The following GRM1 variants were observed in gnomAD, a reference collection of about 807,000 sequenced individuals.
GRM1 encodes metabotropic glutamate receptor 1.
Under a neutral mutation model 90.9 loss-of-function variants are expected in GRM1, and 33 were observed. The observed-to-expected ratio is 0.36, with a 90% CI of 0.28 to 0.49. GRM1 has a LOEUF of 0.49. Among genes scored for constraint, GRM1 ranks in the 20% least tolerant of loss-of-function variants. GRM1 has a pLI of 0.99. For missense variants in GRM1, 1,190 were observed against 1,534.3 expected (o/e 0.78, Z 3.75); for synonymous variants, 700 against 613.2 (o/e 1.14, Z -2.09).
Position 146,029,467 on chromosome 6 carries a change from G to A in GRM1, c.-51G>A. The A allele has an allele frequency of 7.0e-7, 1 of 1,435,002 alleles. No individual in the cohort carries two copies. Among genetic ancestry groups the A allele is most frequent in the Non-Finnish European group, 9.8e-7 (1 of 1,017,210 alleles). 88.9% of individuals were successfully genotyped at this position (1,435,002 alleles called of 1,614,324 possible). A position where few individuals can be genotyped will look rare whatever the true frequency, so the allele number is the denominator to read the frequency against. On this transcript the variant is annotated 5_prime_UTR_variant, in exon 1 of 8. Transcript: ENST00000282753. ...GGGTGCGCGCCGGGAGCCTGCAGCG[G>A]GACCAGCGTGGGAACGCGGCTGGCA...
chr6:146,200,352 A>G lies in GRM1; in HGVS notation c.950+40755A>G, dbSNP rs140964624. On this transcript the variant is annotated intron_variant, in intron 2 of 7. Transcript: ENST00000282753. ...CTCATTATCCTTCTGCAGGGCATCA[A>G]TCCAACTTAGCAATAACCAGACAAT... 2.8e-3 allele frequency among the ~76,000 whole-genome samples: 428 copies of G among 152,252 alleles called. 3 individuals carry two copies. The highest frequency in any genetic ancestry group is 9.5e-3 in the African/African-American group (395 of 41,532).
intron 1 of GRM1, among the ~76,000 whole-genome samples, chr6:146,140,090 A>AGTCTTTCTTTCT: frequency 1.7e-5 from 1 of 57,838 alleles, no homozygotes; most frequent in Non-Finnish European, 3.1e-5. Context: ...TTCTTTCTTT[A>AGTCTTTCTTTCT]TTCTTTCTTT....
At chr6:146,321,535 G>T (rs747063355) in intron 3 of GRM1, among the ~76,000 whole-genome samples, 5 of 152,068 alleles carry the variant, frequency 3.3e-5, no homozygotes, top group African/African-American at 4.8e-5. Context: ...TTAATTTTCT[G>T]TCTTGTTGAT....
chr6:146,121,765 G>C (rs1381812831), intron 1 of GRM1, among the ~76,000 whole-genome samples: 1 of 152,184 alleles, frequency 6.6e-6, no homozygotes, highest in East Asian at 1.9e-4. Context: ...TTAATCCTGA[G>C]TTCTAGTTTG....
chr6:146,206,340 T>C (rs1779492034), intron 2 of GRM1, among the ~76,000 whole-genome samples: 1 of 152,186 alleles, frequency 6.6e-6, no homozygotes, highest in Non-Finnish European at 1.5e-5. Context: ...TGTTGCTAGA[T>C]GCTCCCATGA....
intron 1 of GRM1, among the ~76,000 whole-genome samples, chr6:146,096,924 C>CT (rs981965279): frequency 6.6e-6 from 1 of 151,824 alleles, no homozygotes; most frequent in East Asian, 1.9e-4. Flanking sequence ...TGTGAATTTA[C>CT]TTTTTTTTCA....
intron 3 of GRM1, among the ~76,000 whole-genome samples, chr6:146,349,888 A>C (rs1055805752): frequency 1.1e-4 from 16 of 152,240 alleles, no homozygotes; most frequent in African/African-American, 3.9e-4. Context: ...CTATACATAC[A>C]TATTTTTATG....
intron 2 of GRM1, among the ~76,000 whole-genome samples, chr6:146,201,605 C>T (rs952512978): frequency 6.6e-6 from 1 of 152,200 alleles, no homozygotes; most frequent in Non-Finnish European, 1.5e-5. Flanking sequence ...GACCTAATTA[C>T]TTACCAAAGG....
chr6:146,390,362 T>G (rs997671747), intron 6 of GRM1, among the ~76,000 whole-genome samples: 6 of 151,998 alleles, frequency 3.9e-5, no homozygotes, highest in Non-Finnish European at 8.8e-5. Context: ...AAAAAGTTTC[T>G]CATATTTTCT....
intron 5 of GRM1, among the ~76,000 whole-genome samples, chr6:146,375,722 G>C (rs1447048197): frequency 2.0e-5 from 3 of 151,614 alleles, no homozygotes; most frequent in Admixed American, 1.3e-4. Context: ...CTCTTTTTTG[G>C]TCTCCATTAG....
At chr6:146,245,192 G>T (rs769087355) in intron 2 of GRM1, among the ~76,000 whole-genome samples, 4 of 152,096 alleles carry the variant, frequency 2.6e-5, no homozygotes, top group Admixed American at 6.6e-5. Flanking sequence ...ATAAAATAAA[G>T]ATAAAAAATT....
At chr6:146,270,752 C>A (rs1782085099) in intron 2 of GRM1, among the ~76,000 whole-genome samples, 1 of 152,132 alleles carries the variant, frequency 6.6e-6, no homozygotes, top group Non-Finnish European at 1.5e-5. Flanking sequence ...CAGGGAGGAA[C>A]ATACTTATGT....
chr6:146,119,090 T>C (rs1440466780), intron 1 of GRM1, among the ~76,000 whole-genome samples: 2 of 152,216 alleles, frequency 1.3e-5, no homozygotes, highest in Non-Finnish European at 2.9e-5. Context: ...CTCCACATCC[T>C]CTCCAGCACC....
intron 2 of GRM1, 93 bp downstream of exon 2, chr6:146,159,690 C>T: frequency 7.7e-7 from 1 of 1,292,200 alleles, no homozygotes; most frequent in Admixed American, 1.9e-5. Flanking sequence ...TGCTTGCTTT[C>T]ACAAAACTAG....
chr6:146,305,110 A>G (rs1562595566), intron 3 of GRM1, among the ~76,000 whole-genome samples: 2 of 151,406 alleles, frequency 1.3e-5, no homozygotes, highest in South Asian at 2.1e-4. Context: ...GGAGTCAGGT[A>G]TCTAGTATTT....
intron 2 of GRM1, among the ~76,000 whole-genome samples, chr6:146,252,408 C>A (rs540767386): frequency 1.3e-5 from 2 of 152,136 alleles, no homozygotes; most frequent in Middle Eastern, 3.4e-3. Flanking sequence ...GAGGTCAAGG[C>A]GGGTGGATCA....
chr6:146,307,322 C>T (rs1333405070), intron 3 of GRM1, among the ~76,000 whole-genome samples: 1 of 152,098 alleles, frequency 6.6e-6, no homozygotes, highest in African/African-American at 2.4e-5. Context: ...GCAAATATTT[C>T]TCTTTTTTAG....
intron 2 of GRM1, among the ~76,000 whole-genome samples, chr6:146,298,955 C>G (rs1250754009): frequency 6.6e-6 from 1 of 152,204 alleles, no homozygotes; most frequent in African/African-American, 2.4e-5. Flanking sequence ...ATCCTTTCTT[C>G]TGATTAACGT....
chr6:146,283,452 G>C (rs537121612), intron 2 of GRM1, among the ~76,000 whole-genome samples: 21 of 152,188 alleles, frequency 1.4e-4, no homozygotes, highest in African/African-American at 4.6e-4. Context: ...GGGTTTTATG[G>C]GCATACTTCT....
Sources: allele counts gnomAD v4.1 joint callset (sites outside exome capture counted in the v4.1 genomes callset), GRCh38; gene constraint gnomAD v4.1.1; transcripts MANE v1.5; gene names NCBI Gene and HGNC (gene_info 2026-07-23, HGNC 2026-07-21).